PVT1: variants seen among roughly 807,000 people sequenced by gnomAD.
PVT1 encodes the protein Pvt1 oncogene.
intron 3 of PVT1, among the ~76,000 whole-genome samples, chr8:127,984,905 CTTTCTTTCTT>C (rs757111740): frequency 0.032 from 3,084 of 96,162 alleles, 278 homozygotes; most frequent in Admixed American, 0.086. Context: ...TTCTTTCTTT[CTTTCTTTCTT>C]TCTTTCTCTT....
At chr8:127,993,241 A>G (rs1235649076) in intron 4 of PVT1, among the ~76,000 whole-genome samples, 2 of 152,236 alleles carry the variant, frequency 1.3e-5, no homozygotes. Context: ...TCTTCTGATA[A>G]CATCTTTCAC....
intron 3 of PVT1, among the ~76,000 whole-genome samples, chr8:127,921,601 C>T (rs1370322377): frequency 6.6e-6 from 1 of 152,052 alleles, no homozygotes; most frequent in African/African-American, 2.4e-5. Flanking sequence ...CATTTGAGGC[C>T]AGGAGTTTGA....
At chr8:128,061,106 C>T (rs141553444) in intron 4 of PVT1, among the ~76,000 whole-genome samples, 2,553 of 152,270 alleles carry the variant, frequency 0.017, 70 homozygotes, top group African/African-American at 0.058. Context: ...GACGGGGTTT[C>T]GCCATGTTGG....
chr8:127,984,915 T>TTCTTTCTTTCTTTCTTTCTTTC (rs1563657635), intron 3 of PVT1, among the ~76,000 whole-genome samples: 2 of 57,378 alleles, frequency 3.5e-5, no homozygotes, highest in Non-Finnish European at 8.0e-5. Context: ...CTTTCTTTCT[T>TTCTTTCTTTCTTTCTTTCTTTC]TCTTTCTCTT....
chr8:127,798,834 A>G (rs1469905007), intron 2 of PVT1, among the ~76,000 whole-genome samples: 1 of 151,994 alleles, frequency 6.6e-6, no homozygotes, highest in African/African-American at 2.4e-5. Context: ...TGAGATTGCC[A>G]GTGCACTCCT....
At chr8:127,978,644 T>C (rs1816849328) in intron 3 of PVT1, among the ~76,000 whole-genome samples, 1 of 152,062 alleles carries the variant, frequency 6.6e-6, no homozygotes, top group African/African-American at 2.4e-5. Flanking sequence ...CCACCACACC[T>C]GGCTAATTTT....
chr8:128,074,331 C>A (rs1814051772), intron 5 of PVT1, among the ~76,000 whole-genome samples: 2 of 150,662 alleles, frequency 1.3e-5, no homozygotes. Flanking sequence ...ATGGTGATAC[C>A]CTATCTCTAC....
chr8:127,807,868 C>T (rs1028672212), intron 2 of PVT1, among the ~76,000 whole-genome samples: 4 of 149,450 alleles, frequency 2.7e-5, no homozygotes, highest in African/African-American at 4.9e-5. Context: ...CCCAGGTTCA[C>T]GCCATTCTCC....
chr8:127,924,454 C>A (rs1816103247), intron 3 of PVT1, among the ~76,000 whole-genome samples: 1 of 151,594 alleles, frequency 6.6e-6, no homozygotes, highest in African/African-American at 2.4e-5. Flanking sequence ...CTGCTTCAGC[C>A]TCCCGAGTAG....
At chr8:127,842,683 G>T (rs1396302564) in intron 2 of PVT1, among the ~76,000 whole-genome samples, 1 of 152,150 alleles carries the variant, frequency 6.6e-6, no homozygotes, top group East Asian at 1.9e-4. Flanking sequence ...TCCAAAGAGG[G>T]TGAGACAGGG....
At chr8:127,855,110 C>T in intron 2 of PVT1, 1 of 398,558 alleles carries the variant, frequency 2.5e-6, no homozygotes, top group Non-Finnish European at 4.4e-6. Flanking sequence ...TCTCCTCTCT[C>T]TCTGTCTCTC....
intron 4 of PVT1, among the ~76,000 whole-genome samples, chr8:127,994,364 T>C (rs779748106): frequency 2.0e-5 from 3 of 152,196 alleles, no homozygotes; most frequent in Non-Finnish European, 4.4e-5. Context: ...CCTTGTGTGG[T>C]GACTGGCAGG....
intron 2 of PVT1, among the ~76,000 whole-genome samples, chr8:127,818,908 G>A (rs1259789889): frequency 6.6e-6 from 1 of 152,142 alleles, no homozygotes; most frequent in African/African-American, 2.4e-5. Flanking sequence ...AGGCTGGAGT[G>A]CAGTGGCGTG....
At chr8:127,918,456 C>A (rs1816016803) in intron 3 of PVT1, among the ~76,000 whole-genome samples, 3 of 152,154 alleles carry the variant, frequency 2.0e-5, no homozygotes, top group Admixed American at 1.3e-4. Flanking sequence ...AATAGAATAA[C>A]ATTACTACCA....
At chr8:127,815,876 A>C (rs548694171) in intron 2 of PVT1, among the ~76,000 whole-genome samples, 1 of 152,320 alleles carries the variant, frequency 6.6e-6, no homozygotes, top group South Asian at 2.1e-4. Flanking sequence ...CTGTAATTCC[A>C]GCACTTTGGG....
At chr8:127,972,821 A>G (rs1816779439) in intron 3 of PVT1, among the ~76,000 whole-genome samples, 1 of 152,204 alleles carries the variant, frequency 6.6e-6, no homozygotes, top group South Asian at 2.1e-4. Flanking sequence ...TGCTCTGGGA[A>G]GGACTGGGGC....
chr8:127,948,913 C>G (rs1381316817), intron 3 of PVT1, among the ~76,000 whole-genome samples: 1 of 152,214 alleles, frequency 6.6e-6, no homozygotes, highest in Non-Finnish European at 1.5e-5. Flanking sequence ...TCTGAACCCC[C>G]TTGGTCTCAG....
chr8:128,065,463 G>C (rs984075644), intron 4 of PVT1, among the ~76,000 whole-genome samples: 2 of 152,310 alleles, frequency 1.3e-5, no homozygotes, highest in Middle Eastern at 3.4e-3. Flanking sequence ...TGGGGTTGCA[G>C]GTGTGAGCCA....
intron 4 of PVT1, among the ~76,000 whole-genome samples, chr8:128,035,130 G>C (rs1350865608): frequency 3.3e-5 from 5 of 152,152 alleles, no homozygotes; most frequent in Non-Finnish European, 2.9e-5. Flanking sequence ...TTTGTTTACT[G>C]TCATGCAGGA....
Sources: gnomAD v4.1 joint callset for allele counts (sites outside exome capture counted in the v4.1 genomes callset) on GRCh38, gnomAD v4.1.1 for gene constraint, MANE v1.5 for transcripts, NCBI Gene and HGNC (gene_info 2026-07-23, HGNC 2026-07-21) for gene names.